SPATA17: variants seen among roughly 807,000 people sequenced by gnomAD.
SPATA17 encodes the protein spermatogenesis-associated protein 17.
A neutral mutation model predicts 62.2 loss-of-function variants in SPATA17; 53 were observed. That is an observed-to-expected ratio of 0.85 (90% CI 0.68 to 1.07). The LOEUF is 1.07. SPATA17 is among the 50% of genes least tolerant of loss of function. The pLI is 0.00. For synonymous variants in SPATA17, 146 were observed against 146.8 expected, an observed-to-expected ratio of 0.99 and a Z score of 0.04; for missense variants, 466 against 425.5, an observed-to-expected ratio of 1.10 and a Z score of -0.84.
At chr1:217,659,187 A>AACACACAC (rs10546517) in intron 3 of SPATA17, among the ~76,000 whole-genome samples, 110 of 144,636 alleles carry the variant, frequency 7.6e-4, no homozygotes, top group African/African-American at 2.6e-3. Context: ...TGCCCATCAA[A>AACACACAC]ACACACACAC....
chr1:217,656,917 C>T (rs903309401), intron 3 of SPATA17, among the ~76,000 whole-genome samples: 1 of 152,020 alleles, frequency 6.6e-6, no homozygotes, highest in Non-Finnish European at 1.5e-5. Context: ...TTTCAAAATC[C>T]TTATATATTG....
chr1:217,785,047 C>A (rs549871666), intron 8 of SPATA17: 3 of 152,232 alleles, frequency 2.0e-5, no homozygotes, highest in Middle Eastern at 3.4e-3. Flanking sequence ...TCTCTTCATG[C>A]CTCTTCATTA....
intron 1 of SPATA17, among the ~76,000 whole-genome samples, chr1:217,646,528 T>A (rs1327022604): frequency 3.3e-5 from 5 of 152,144 alleles, no homozygotes; most frequent in Non-Finnish European, 7.3e-5. Flanking sequence ...TTCCTTTTCT[T>A]CCATTTTACT....
intron 5 of SPATA17, among the ~76,000 whole-genome samples, chr1:217,702,495 C>T (rs1335893572): frequency 6.6e-6 from 1 of 152,118 alleles, no homozygotes; most frequent in East Asian, 1.9e-4. Flanking sequence ...AACAATAAAG[C>T]ATAGAATACA....
intron 9 of SPATA17, among the ~76,000 whole-genome samples, chr1:217,830,288 A>T (rs567398842): frequency 5.3e-5 from 8 of 152,214 alleles, no homozygotes; most frequent in Non-Finnish European, 1.0e-4. Flanking sequence ...CTTCTACAAA[A>T]AGGCAAAGGA....
At chr1:217,855,523 A>G (rs1675760646) in intron 9 of SPATA17, among the ~76,000 whole-genome samples, 1 of 152,034 alleles carries the variant, frequency 6.6e-6, no homozygotes, top group South Asian at 2.1e-4. Context: ...CTATAATTAA[A>G]TCTCTTCCTT....
At chr1:217,831,800 T>C (rs1329573464) in intron 9 of SPATA17, among the ~76,000 whole-genome samples, 1 of 152,168 alleles carries the variant, frequency 6.6e-6, no homozygotes, top group Non-Finnish European at 1.5e-5. Context: ...ATTATGGCAG[T>C]AATGAAGAAC....
chr1:217,633,778 G>A (rs776643454), intron 1 of SPATA17, among the ~76,000 whole-genome samples: 4 of 152,136 alleles, frequency 2.6e-5, no homozygotes, highest in Non-Finnish European at 5.9e-5. Context: ...AACAAGGTAC[G>A]GACAAAAAGG....
At chr1:217,802,073 A>T (rs961017502) in intron 9 of SPATA17, among the ~76,000 whole-genome samples, 2 of 151,818 alleles carry the variant, frequency 1.3e-5, no homozygotes, top group African/African-American at 4.8e-5. Flanking sequence ...TAGCTGCCCT[A>T]GGATCAAAGG....
At chr1:217,762,991 C>T (rs1673210139) in intron 6 of SPATA17, among the ~76,000 whole-genome samples, 1 of 152,116 alleles carries the variant, frequency 6.6e-6, no homozygotes, top group South Asian at 2.1e-4. Context: ...AACAACCCCA[C>T]TAACTAAACT....
chr1:217,869,756 ACCCC>A lies in SPATA17; in HGVS notation c.*2739_*2742del. ...AAGCATGTCCAATTCCCCATGCCCC[ACCCC>A]CACCCCCACATCCTATAATGGCCTG... On this transcript the variant is annotated 3_prime_UTR_variant, in exon 11 of 11. Transcript: ENST00000366933. 1 of 142,052 alleles carries A rather than the reference ACCCC, an allele frequency of 7.0e-6. No individual in the cohort carries two copies. The highest frequency in any genetic ancestry group is 1.5e-5 in the Non-Finnish European group (1 of 65,018). 8.8% of individuals were successfully genotyped at this position (142,052 alleles called of 1,614,324 possible).
chr1:217,762,933 G>A (rs1445935800), intron 6 of SPATA17, among the ~76,000 whole-genome samples: 2 of 152,132 alleles, frequency 1.3e-5, no homozygotes, highest in African/African-American at 2.4e-5. Context: ...CATCTTGGGT[G>A]ACAGAGTGAG....
chr1:217,779,608 C>A (rs1673685322), intron 7 of SPATA17, among the ~76,000 whole-genome samples: 1 of 151,806 alleles, frequency 6.6e-6, no homozygotes, highest in African/African-American at 2.4e-5. Context: ...CACCATTCTT[C>A]TTTTTTCTTT....
intron 5 of SPATA17, among the ~76,000 whole-genome samples, chr1:217,730,865 C>T (rs985957731): frequency 3.3e-5 from 5 of 152,050 alleles, no homozygotes; most frequent in African/African-American, 1.2e-4. Context: ...ATCTCAGATG[C>T]AGATGCTTGA....
At chr1:217,818,702 G>A (rs1427555666) in intron 9 of SPATA17, among the ~76,000 whole-genome samples, 4 of 151,686 alleles carry the variant, frequency 2.6e-5, no homozygotes, top group Admixed American at 1.3e-4. Flanking sequence ...CTTTCAATAT[G>A]TAGATTTAAA....
chr1:217,710,860 C>A (rs1047771467), intron 5 of SPATA17, among the ~76,000 whole-genome samples: 1 of 152,130 alleles, frequency 6.6e-6, no homozygotes, highest in South Asian at 2.1e-4. Flanking sequence ...TTCTAGATAA[C>A]CACTAGTCTA....
intron 5 of SPATA17, among the ~76,000 whole-genome samples, chr1:217,718,587 T>C (rs1273153419): frequency 1.3e-5 from 2 of 152,150 alleles, no homozygotes; most frequent in Non-Finnish European, 2.9e-5. Context: ...GCTGTCATTC[T>C]AGTACTAAGA....
chr1:217,790,303 T>C (rs1205881684), intron 8 of SPATA17, among the ~76,000 whole-genome samples: 1 of 152,330 alleles, frequency 6.6e-6, no homozygotes, highest in East Asian at 1.9e-4. Flanking sequence ...AAGTTACTTA[T>C]TTACTTCTGG....
At chr1:217,730,239 A>T (rs1436995145) in intron 5 of SPATA17, among the ~76,000 whole-genome samples, 1 of 147,912 alleles carries the variant, frequency 6.8e-6, no homozygotes, top group African/African-American at 2.5e-5. Flanking sequence ...TTTTTTTGAG[A>T]TGGAGTCTCA....
Sources: gnomAD v4.1 joint callset for allele counts (sites outside exome capture counted in the v4.1 genomes callset) on GRCh38, gnomAD v4.1.1 for gene constraint, MANE v1.5 for transcripts, NCBI Gene and HGNC (gene_info 2026-07-23, HGNC 2026-07-21) for gene names.